Variants in MAGI3 observed in about 807,000 individuals in gnomAD.
MAGI3 encodes membrane-associated guanylate kinase, WW and PDZ domain-containing protein 3.
A neutral mutation model predicts 121.8 loss-of-function variants in MAGI3; 43 were observed. That is an observed-to-expected ratio of 0.35 (90% CI 0.28 to 0.46). MAGI3 has a LOEUF of 0.46. Among genes scored for constraint, MAGI3 ranks in the 20% least tolerant of loss-of-function variants. The probability of loss-of-function intolerance (pLI) is 1.00; values close to 1 mark genes in which losing one functional copy is unlikely to be tolerated. For missense variants in MAGI3, 1,547 were observed against 1,797.3 expected, an observed-to-expected ratio of 0.86 and a Z score of 2.52; for synonymous variants, 553 against 639.3, an observed-to-expected ratio of 0.86 and a Z score of 2.04.
At chr1:113,670,723 G>A (rs1031193589) in intron 16 of MAGI3, among the ~76,000 whole-genome samples, 2 of 152,160 alleles carry the variant, frequency 1.3e-5, no homozygotes, top group Non-Finnish European at 2.9e-5. Context: ...TTCTAAGCAT[G>A]TATATTTATA....
intron 1 of MAGI3, among the ~76,000 whole-genome samples, chr1:113,427,748 G>A: frequency 6.6e-6 from 1 of 152,202 alleles, no homozygotes. Context: ...AGGACTGAAA[G>A]TCTCAATCAT....
chr1:113,397,826 C>T (rs1651195633), intron 1 of MAGI3, among the ~76,000 whole-genome samples: 1 of 151,954 alleles, frequency 6.6e-6, no homozygotes, highest in African/African-American at 2.4e-5. Context: ...CTTAATGTAC[C>T]ATTAGTTCTG....
intron 7 of MAGI3, chr1:113,618,499 T>G (rs1264797002): frequency 4.4e-6 from 2 of 450,286 alleles, no homozygotes; most frequent in Admixed American, 2.4e-5. Flanking sequence ...TATCACCTCT[T>G]TATTTTTATT....
intron 2 of MAGI3, among the ~76,000 whole-genome samples, chr1:113,561,718 C>G (rs1660241622): frequency 6.6e-6 from 1 of 152,196 alleles, no homozygotes; most frequent in African/African-American, 2.4e-5. Context: ...CAAGGATGCC[C>G]TCTTTCACCA....
chr1:113,470,168 G>A (rs1217896816), intron 1 of MAGI3, among the ~76,000 whole-genome samples: 2 of 151,900 alleles, frequency 1.3e-5, no homozygotes, highest in Non-Finnish European at 2.9e-5. Context: ...GCAGAAAATA[G>A]TCTTTTTTTT....
At chr1:113,423,540 G>GGATTA in intron 1 of MAGI3, among the ~76,000 whole-genome samples, 1 of 152,272 alleles carries the variant, frequency 6.6e-6, no homozygotes, top group Admixed American at 6.5e-5. Context: ...CAAAGTGCTG[G>GGATTA]GATTACAGGC....
In MAGI3 at chr1:113,684,838, G is replaced by A. The variant is rs1411397437; in HGVS notation, c.*824G>A. On this transcript the variant is annotated 3_prime_UTR_variant, in exon 21 of 21. Transcript: ENST00000307546. ...TATTTAATTATGAAACCATAAAGAA[G>A]CATGTGGAAATAGTGTTTATTGCTC... 1 of 152,322 alleles carries A rather than the reference G, an allele frequency of 6.6e-6. No homozygotes were observed. Among genetic ancestry groups the A allele is most frequent in the Non-Finnish European group, 1.5e-5 (1 of 68,042 alleles). The allele number at this position is 152,322 out of a possible 1,614,324, so 9.4% of individuals were successfully genotyped here.
chr1:113,524,488 A>G (rs1658363432), intron 1 of MAGI3, among the ~76,000 whole-genome samples: 1 of 152,078 alleles, frequency 6.6e-6, no homozygotes, highest in East Asian at 1.9e-4. Flanking sequence ...CATGACCTGG[A>G]TGTGAGACAT....
intron 1 of MAGI3, chr1:113,450,783 T>G: frequency 5.0e-6 from 4 of 799,434 alleles, no homozygotes; most frequent in Non-Finnish European, 8.9e-6. Flanking sequence ...AGCGAGGAGT[T>G]GTCAGGAAAA....
At chr1:113,562,272 G>A (rs1660271180) in intron 2 of MAGI3, among the ~76,000 whole-genome samples, 1 of 152,134 alleles carries the variant, frequency 6.6e-6, no homozygotes, top group African/African-American at 2.4e-5. Flanking sequence ...GCATGGTGGC[G>A]GGCGCCAATA....
intron 1 of MAGI3, among the ~76,000 whole-genome samples, chr1:113,529,885 T>A (rs1242036940): frequency 2.6e-5 from 4 of 152,156 alleles, no homozygotes; most frequent in Non-Finnish European, 5.9e-5. Context: ...AGAAAATGTT[T>A]ATTAAAATAT....
intron 6 of MAGI3, among the ~76,000 whole-genome samples, chr1:113,608,506 A>T (rs1649927641): frequency 6.6e-6 from 1 of 152,176 alleles, no homozygotes; most frequent in South Asian, 2.1e-4. Context: ...TGCAGGAGGG[A>T]GACATGAGTA....
chr1:113,659,281 A>G lies in MAGI3; in HGVS notation c.2815+16A>G. 1 of 1,611,738 alleles carries G rather than the reference A, an allele frequency of 6.2e-7. No individual in the cohort carries two copies. Among genetic ancestry groups the G allele is most frequent in the Non-Finnish European group, 8.5e-7 (1 of 1,179,522 alleles). On this transcript the variant is annotated intron_variant, in intron 16 of 20. Coordinates refer to ENST00000307546, the MANE Select transcript of MAGI3 (RefSeq NM_001142782.2). ...GCTGAAGAAGGTAAGGAGCCAGTAG[A>G]CGCGCCTGCCCCAAGCTGATCTGAG...
At chr1:113,653,129 G>C (rs1382736061) in intron 14 of MAGI3, among the ~76,000 whole-genome samples, 3 of 152,180 alleles carry the variant, frequency 2.0e-5, no homozygotes. Context: ...TTTCTGCCCT[G>C]ATGCTTTAAC....
At chr1:113,465,009 A>G (rs1345096490) in intron 1 of MAGI3, among the ~76,000 whole-genome samples, 1 of 151,810 alleles carries the variant, frequency 6.6e-6, no homozygotes, top group Non-Finnish European at 1.5e-5. Context: ...ATATAATCCC[A>G]TTTGTCTATT....
Position 113,520,789 on chromosome 1 carries a change from G to A in MAGI3, c.317-28726G>A, listed in dbSNP as rs369666219. Among the ~76,000 whole-genome samples the A allele has an allele frequency of 4.5e-4, 68 of 152,028 alleles. No homozygotes were observed. In the East Asian group the frequency reaches 0.013, roughly 30 times the overall value. The stretch of plus-strand genomic sequence containing the variant: ...GGCTAATTTTTATCTTTTTAGTAGA[G>A]GTGGGGTTTCACCATGTTGGCCAGC... On this transcript the variant is annotated intron_variant, in intron 1 of 20. Coordinates refer to ENST00000307546, the MANE Select transcript of MAGI3 (RefSeq NM_001142782.2).
At chr1:113,438,840 G>A (rs1370762239) in intron 1 of MAGI3, among the ~76,000 whole-genome samples, 4 of 152,182 alleles carry the variant, frequency 2.6e-5, no homozygotes. Flanking sequence ...AGCAGAATTA[G>A]TACAAATATC....
At chr1:113,608,191 T>A (rs1395883357) in intron 6 of MAGI3, among the ~76,000 whole-genome samples, 1 of 151,488 alleles carries the variant, frequency 6.6e-6, no homozygotes, top group East Asian at 1.9e-4. Flanking sequence ...ATCCTTTCAG[T>A]AGAGACTTCA....
chr1:113,479,370 G>A (rs1005569225), intron 1 of MAGI3, among the ~76,000 whole-genome samples: 3 of 151,960 alleles, frequency 2.0e-5, no homozygotes, highest in African/African-American at 4.8e-5. Flanking sequence ...GTTCCTATTC[G>A]GCCATCTTGG....
Sources: allele counts gnomAD v4.1 joint callset (sites outside exome capture counted in the v4.1 genomes callset), GRCh38; gene constraint gnomAD v4.1.1; transcripts MANE v1.5; gene names NCBI Gene and HGNC (gene_info 2026-07-23, HGNC 2026-07-21).